The following GLS variants were observed in gnomAD, a reference collection of about 807,000 sequenced individuals.
The protein encoded by GLS is glutaminase.
GLS carries 36 observed loss-of-function variants against 86.7 expected under a neutral mutation model. The observed-to-expected ratio is 0.42, with a 90% CI of 0.32 to 0.55. The LOEUF is 0.55. Among genes scored for constraint, GLS ranks in the 20% least tolerant of loss-of-function variants. GLS has a pLI of 0.17. For missense variants in GLS, 528 were observed against 833.4 expected (o/e 0.63, Z 4.51); for synonymous variants, 317 against 305.9 (o/e 1.04, Z -0.38).
Position 190,924,795 on chromosome 2 carries a change from GTCCCAGTTAC to G in GLS, c.1248+204_1248+213del. On this transcript the variant is annotated intron_variant, in intron 11 of 17. Transcript: ENST00000320717. This position sits in a 1 kb window ranked among gnomAD's most constrained non-coding sequence, Gnocchi z 5.2. Reference sequence around the variant, plus strand: ...TCGGGTGTGGTAGTGTGTGCCTGTAGTCCCAGTTACTTGTGAGGCTGAGGCAGGAGAATCC... The same window carrying G: ...TCGGGTGTGGTAGTGTGTGCCTGTAGTTGTGAGGCTGAGGCAGGAGAATCC... 2.1e-6 allele frequency: 1 copy of G among 467,628 alleles called. No homozygotes were observed. Among genetic ancestry groups the G allele is most frequent in the Non-Finnish European group, 3.8e-6 (1 of 259,940 alleles). 29.0% of individuals were successfully genotyped at this position (467,628 alleles called of 1,614,324 possible).
chr2:190,888,098 A>G (rs1688447172), intron 1 of GLS, among the ~76,000 whole-genome samples: 1 of 152,208 alleles, frequency 6.6e-6, no homozygotes, highest in African/African-American at 2.4e-5. Context: ...CGTCTAAAAC[A>G]GTAAAAAACA....
chr2:190,922,857 G>A (rs143082438), intron 9 of GLS, among the ~76,000 whole-genome samples: 108 of 152,170 alleles, frequency 7.1e-4, no homozygotes, highest in Middle Eastern at 6.8e-3. Context: ...CAAATATACC[G>A]CAAATTAAAT....
chr2:190,916,832 G>A (rs1689549617), intron 7 of GLS, among the ~76,000 whole-genome samples: 1 of 152,106 alleles, frequency 6.6e-6, no homozygotes. Context: ...TAGTAAGTGT[G>A]CAGTAGTATT....
At chr2:190,898,843 G>A (rs574735141) in intron 3 of GLS, among the ~76,000 whole-genome samples, 6 of 152,276 alleles carry the variant, frequency 3.9e-5, no homozygotes, top group Admixed American at 2.6e-4. Flanking sequence ...GTTGAGGCTG[G>A]TCTCGAACTC....
chr2:190,935,279 T>C lies in GLS; in HGVS notation c.1650+3642T>C, dbSNP rs1416769199. Reference sequence around the variant, plus strand: ...CATTTTGTATTGCACAATAAATTTATTTTAAGCTGATTTTATTGTTTTTTT... The same window carrying C: ...CATTTTGTATTGCACAATAAATTTACTTTAAGCTGATTTTATTGTTTTTTT... On this transcript the variant is annotated intron_variant, in intron 14 of 17. Transcript: ENST00000320717. The surrounding 1 kb of genome is among the most constrained non-coding windows in gnomAD (Gnocchi z 4.2). The C allele has an allele frequency of 1.8e-6, 1 of 564,942 alleles. No homozygotes were observed. Among genetic ancestry groups the C allele is most frequent in the Non-Finnish European group, 2.2e-6 (1 of 445,982 alleles). The allele number at this position is 564,942 out of a possible 1,614,324, so 35.0% of individuals were successfully genotyped here. A position where few individuals can be genotyped will look rare whatever the true frequency, so the allele number is the denominator to read the frequency against.
intron 1 of GLS, among the ~76,000 whole-genome samples, chr2:190,885,567 A>T (rs1429066103): frequency 6.6e-6 from 1 of 152,212 alleles, no homozygotes; most frequent in Non-Finnish European, 1.5e-5. Flanking sequence ...GAACAATACT[A>T]GTAAGGAAGT....
intron 1 of GLS, among the ~76,000 whole-genome samples, chr2:190,892,561 TG>T (rs1374796430): frequency 5.9e-5 from 9 of 152,128 alleles, no homozygotes; most frequent in African/African-American, 2.2e-4. Context: ...TGAATTTTAA[TG>T]AAAAATACAT....
intron 6 of GLS, among the ~76,000 whole-genome samples, chr2:190,907,331 C>T (rs1214830211): frequency 6.6e-6 from 1 of 151,268 alleles, no homozygotes; most frequent in East Asian, 1.9e-4. Flanking sequence ...AATCTCGGCT[C>T]ACCGCAACCT....
intron 1 of GLS, among the ~76,000 whole-genome samples, chr2:190,883,931 T>G (rs1230646947): frequency 6.6e-6 from 1 of 152,218 alleles, no homozygotes; most frequent in African/African-American, 2.4e-5. Flanking sequence ...TCACAAACTC[T>G]TTGAACTAAT....
At chr2:190,928,651 A>G (rs1349459508) in intron 12 of GLS, among the ~76,000 whole-genome samples, 1 of 149,964 alleles carries the variant, frequency 6.7e-6, no homozygotes, top group East Asian at 1.9e-4. Context: ...ATTATTTTAT[A>G]GTTTGTTTGA....
chr2:190,896,564 C>T (rs1313224837), intron 3 of GLS: 2 of 152,050 alleles, frequency 1.3e-5, no homozygotes, highest in African/African-American at 2.4e-5. Context: ...TTTGTTTTAT[C>T]TTCTTTTGGG....
Position 190,901,859 on chromosome 2 carries a change from TA to T in GLS, c.736-84del, listed in dbSNP as rs1688953330. ...AGAATAACTAGTCATTGGTAGAAGG[TA>T]AAATGAGATAAGAAATTTGTTGGTG... On this transcript the variant is annotated intron_variant, in intron 4 of 17. Transcript: ENST00000320717. 1.3e-5 allele frequency: 11 copies of T among 822,554 alleles called. No homozygotes were observed. The South Asian group carries it at 1.5e-4, about 11-fold the overall frequency. The allele number at this position is 822,554 out of a possible 1,614,324, so 51.0% of individuals were successfully genotyped here.
chr2:190,901,764 A>C (rs1000071047), intron 4 of GLS, among the ~76,000 whole-genome samples, 183 bp from the exon 5 acceptor site: 1 of 152,160 alleles, frequency 6.6e-6, no homozygotes, highest in Non-Finnish European at 1.5e-5. Context: ...CATAATTCTC[A>C]AGTCTGTTTT....
chr2:190,918,707 C>G (rs1320667127), intron 7 of GLS, among the ~76,000 whole-genome samples: 1 of 152,124 alleles, frequency 6.6e-6, no homozygotes, highest in Admixed American at 6.6e-5. Context: ...TTCAACATGC[C>G]TTTCTTACTA....
Position 190,913,526 on chromosome 2 carries a change from G to A in GLS, c.1038+3205G>A. 1.0e-6 allele frequency: 1 copy of A among 965,466 alleles called. No homozygotes were observed. Among genetic ancestry groups the A allele is most frequent in the South Asian group, 4.8e-5 (1 of 20,858 alleles). The allele number at this position is 965,466 out of a possible 1,614,324, so 59.8% of individuals were successfully genotyped here. A position where few individuals can be genotyped will look rare whatever the true frequency, so the allele number is the denominator to read the frequency against. On this transcript the variant is annotated intron_variant, in intron 7 of 17. Transcript: ENST00000320717. The surrounding 1 kb of genome is among the most constrained non-coding windows in gnomAD (Gnocchi z 6.1). ...CTGTTTTATTTGGGATTGTGATAAT[G>A]TGTGATTGCTTGATTAAAAGGAAAG...
rs1182373008 is a variant in GLS at position 190,897,459 on chromosome 2, C to G, written c.605+1734C>G. Among the ~76,000 whole-genome samples, 1 of 152,166 alleles carries G rather than the reference C, an allele frequency of 6.6e-6. No individual in the cohort carries two copies. Among genetic ancestry groups the G allele is most frequent in the Non-Finnish European group, 1.5e-5 (1 of 68,020 alleles). On this transcript the variant is annotated intron_variant, in intron 3 of 17. Transcript: ENST00000320717. The surrounding 1 kb of genome is among the most constrained non-coding windows in gnomAD (Gnocchi z 4.3). ...AGTAATTATTGTTTTAAACACTAAT[C>G]CAATTTTTAAAAATCTATGCTTGTA...
intron 4 of GLS, 72 bp downstream of exon 4, chr2:190,900,765 A>G (rs1334639377): frequency 3.2e-5 from 38 of 1,198,104 alleles, no homozygotes; most frequent in Non-Finnish European, 6.0e-6. Flanking sequence ...AGGTCTAGAG[A>G]GTAAATTGTG....
At chr2:190,934,492 C>T in intron 14 of GLS, 14 of 981,346 alleles carry the variant, frequency 1.4e-5, no homozygotes, top group Non-Finnish European at 1.6e-5. Context: ...CATATCCTAA[C>T]TGGATGCTTC....
chr2:190,954,726 GCT>G lies in GLS; in HGVS notation c.1790-26_1790-25del, dbSNP rs1384751870. 4.3e-6 allele frequency: 7 copies of G among 1,613,224 alleles called. No individual in the cohort carries two copies. The highest frequency in any genetic ancestry group is 1.3e-5 in the African/African-American group (1 of 74,876). On this transcript the variant is annotated intron_variant, in intron 16 of 17. Transcript: ENST00000320717. This position sits in a 1 kb window ranked among gnomAD's most constrained non-coding sequence, Gnocchi z 4.0. The stretch of plus-strand genomic sequence containing the variant: ...TAATTTCTACTTAGTACTAAAATCT[GCT>G]CTTTTTTTGGGGGTGGGACGGTATA...
Sources: gnomAD v4.1 joint callset for allele counts (sites outside exome capture counted in the v4.1 genomes callset) on GRCh38, gnomAD v4.1.1 for gene constraint, Gnocchi (gnomAD v3.1) non-coding constraint, MANE v1.5 for transcripts, NCBI Gene and HGNC (gene_info 2026-07-23, HGNC 2026-07-21) for gene names.